The following SPATA16 variants were observed in gnomAD, a reference collection of about 807,000 sequenced individuals.
SPATA16 encodes spermatogenesis-associated protein 16.
A neutral mutation model predicts 63.3 loss-of-function variants in SPATA16; 36 were observed. The observed-to-expected ratio is 0.57, with a 90% CI of 0.44 to 0.75. SPATA16 has a LOEUF of 0.75. Among genes scored for constraint, SPATA16 ranks in the 30% least tolerant of loss-of-function variants. The probability of loss-of-function intolerance (pLI) is 0.00; values close to 1 mark genes in which losing one functional copy is unlikely to be tolerated. For missense variants in SPATA16, 646 were observed against 679.3 expected (o/e 0.95, Z 0.54); for synonymous variants, 203 against 216.7 (o/e 0.94, Z 0.56).
intron 10 of SPATA16, among the ~76,000 whole-genome samples, chr3:172,911,166 ACTTT>A (rs1232211993): frequency 6.6e-6 from 1 of 152,178 alleles, no homozygotes; most frequent in African/African-American, 2.4e-5. Flanking sequence ...TCAGAAACAT[ACTTT>A]CTTTTCTGTA....
intron 4 of SPATA16, among the ~76,000 whole-genome samples, chr3:172,996,734 T>C (rs183803808): frequency 1.3e-5 from 2 of 152,274 alleles, no homozygotes; most frequent in East Asian, 1.9e-4. Flanking sequence ...TACAATGATA[T>C]ATATCCTTCA....
intron 2 of SPATA16, among the ~76,000 whole-genome samples, chr3:173,074,992 C>CAA (rs35683679): frequency 3.7e-4 from 25 of 66,748 alleles, no homozygotes; most frequent in African/African-American, 7.3e-4. Flanking sequence ...GACTCTATCT[C>CAA]AAAAAAAAAA....
chr3:173,132,114 T>C (rs1738402567), intron 1 of SPATA16, among the ~76,000 whole-genome samples: 1 of 152,168 alleles, frequency 6.6e-6, no homozygotes, highest in Non-Finnish European at 1.5e-5. Flanking sequence ...CAGAGTTCTT[T>C]ATAGAGTATT....
chr3:172,936,418 A>C (rs1451305010), intron 6 of SPATA16, among the ~76,000 whole-genome samples: 1 of 152,220 alleles, frequency 6.6e-6, no homozygotes. Context: ...AAAAGATATG[A>C]AAGCTCTGTG....
At chr3:173,090,085 C>T (rs1737184350) in intron 2 of SPATA16, among the ~76,000 whole-genome samples, 3 of 152,182 alleles carry the variant, frequency 2.0e-5, no homozygotes, top group Admixed American at 2.0e-4. Context: ...GTGTCCCTAT[C>T]CAACTGTCAT....
chr3:172,938,163 T>C (rs1320537877), intron 6 of SPATA16, among the ~76,000 whole-genome samples: 1 of 152,216 alleles, frequency 6.6e-6, no homozygotes, highest in Non-Finnish European at 1.5e-5. Flanking sequence ...GCAACAGTTC[T>C]TATGAAATTT....
Position 172,965,856 on chromosome 3 carries a change from G to A in SPATA16, c.934-9032C>T, listed in dbSNP as rs537423591. ...CTCCCAAAGTGTTGGGATTACAGGC[G>A]TGAGCCACTGCGCCCGGCCTTTTCT... On this transcript the variant is annotated intron_variant, in intron 5 of 10. Coordinates refer to ENST00000351008, the MANE Select transcript of SPATA16 (RefSeq NM_031955.6). 1.2e-3 allele frequency among the ~76,000 whole-genome samples: 182 copies of A among 152,238 alleles called. 1 individual carries two copies. Among genetic ancestry groups the A allele is most frequent in the African/African-American group, 4.0e-3 (168 of 41,562 alleles).
chr3:173,046,993 A>G (rs1260225184), intron 3 of SPATA16, among the ~76,000 whole-genome samples: 1 of 151,968 alleles, frequency 6.6e-6, no homozygotes, highest in African/African-American at 2.4e-5. Flanking sequence ...TTGTAACGTA[A>G]TAGGAAAGAT....
At chr3:172,981,850 G>T (rs949064225) in intron 4 of SPATA16, among the ~76,000 whole-genome samples, 1 of 152,164 alleles carries the variant, frequency 6.6e-6, no homozygotes, top group Non-Finnish European at 1.5e-5. Context: ...CGTGTTAACG[G>T]AACACAGCAA....
intron 10 of SPATA16, among the ~76,000 whole-genome samples, chr3:172,903,058 C>G (rs1361630018): frequency 2.0e-5 from 3 of 152,140 alleles, no homozygotes; most frequent in African/African-American, 7.2e-5. Flanking sequence ...GGAAGATGTC[C>G]TATGGTTCAT....
At position 172,889,561 on chromosome 3, in the gene SPATA16, C is replaced by T; in HGVS notation, c.*9G>A. 3 of 1,613,542 alleles carry T rather than the reference C, an allele frequency of 1.9e-6. No homozygotes were observed. Among genetic ancestry groups the T allele is most frequent in the Non-Finnish European group, 2.5e-6 (3 of 1,179,814 alleles). ...GGATATCTTAGTGGTAGTGCCTGCT[C>T]CCTAATGACTACCTTTGCTGAACAG... On this transcript the variant is annotated 3_prime_UTR_variant, in exon 11 of 11. Coordinates refer to ENST00000351008, the MANE Select transcript of SPATA16 (RefSeq NM_031955.6).
intron 4 of SPATA16, among the ~76,000 whole-genome samples, chr3:173,003,980 A>T (rs1734884295): frequency 6.6e-6 from 1 of 152,234 alleles, no homozygotes; most frequent in Non-Finnish European, 1.5e-5. Flanking sequence ...AAAGTCACAC[A>T]TAGGGTCATT....
At chr3:173,090,667 C>T (rs781522498) in intron 2 of SPATA16, among the ~76,000 whole-genome samples, 6 of 152,186 alleles carry the variant, frequency 3.9e-5, no homozygotes, top group South Asian at 4.1e-4. Flanking sequence ...CACTGAATTG[C>T]GGTAGCATTT....
At chr3:173,053,620 C>T (rs561853539) in intron 2 of SPATA16, among the ~76,000 whole-genome samples, 4 of 152,152 alleles carry the variant, frequency 2.6e-5, no homozygotes, top group African/African-American at 4.8e-5. Context: ...TGCAACCACA[C>T]ATTTTTCTTT....
At chr3:173,001,279 T>G (rs1258141985) in intron 4 of SPATA16, among the ~76,000 whole-genome samples, 1 of 151,626 alleles carries the variant, frequency 6.6e-6, no homozygotes, top group African/African-American at 2.4e-5. Context: ...TTTTTTTTTT[T>G]TTGTTTTCAC....
intron 5 of SPATA16, among the ~76,000 whole-genome samples, chr3:172,975,081 G>A (rs886246326): frequency 6.6e-6 from 1 of 152,016 alleles, no homozygotes; most frequent in African/African-American, 2.4e-5. Context: ...TTAGTCTGAG[G>A]TAAATAAAAT....
intron 10 of SPATA16, among the ~76,000 whole-genome samples, chr3:172,907,081 C>G (rs1412921670): frequency 6.6e-6 from 1 of 152,144 alleles, no homozygotes; most frequent in Non-Finnish European, 1.5e-5. Flanking sequence ...GTTTGATGAT[C>G]TGACTTTCAA....
Position 172,938,388 on chromosome 3 carries a change from A to G in SPATA16, c.1082-12896T>C, listed in dbSNP as rs528461423. On this transcript the variant is annotated intron_variant, in intron 6 of 10. Coordinates refer to ENST00000351008, the MANE Select transcript of SPATA16 (RefSeq NM_031955.6). ...AGAGAGTCAAAGGACTCACCTCTGC[A>G]GGTGGAAAGCTTTAGATGGTTATTA... 2.0e-5 allele frequency among the ~76,000 whole-genome samples: 3 copies of G among 152,320 alleles called. No individual in the cohort carries two copies. In the East Asian group the frequency reaches 5.8e-4, roughly 29 times the overall value.
At chr3:173,014,916 G>C (rs536713006) in intron 4 of SPATA16, among the ~76,000 whole-genome samples, 2 of 152,230 alleles carry the variant, frequency 1.3e-5, no homozygotes, top group Admixed American at 6.5e-5. Context: ...ACTGTAGTTC[G>C]CAGAACATAT....
Sources: allele counts gnomAD v4.1 joint callset (sites outside exome capture counted in the v4.1 genomes callset), GRCh38; gene constraint gnomAD v4.1.1; transcripts MANE v1.5; gene names NCBI Gene and HGNC (gene_info 2026-07-23, HGNC 2026-07-21).